BMPR2: variants seen among roughly 807,000 people sequenced by gnomAD.
BMPR2 encodes bone morphogenetic protein receptor type 2.
A neutral mutation model predicts 100.8 loss-of-function variants in BMPR2; 29 were observed. The ratio of observed to expected loss-of-function variants is 0.29; its 90% CI spans 0.21 to 0.39. The LOEUF is 0.39. Among genes scored for constraint, BMPR2 ranks in the 10% least tolerant of loss-of-function variants. The probability of loss-of-function intolerance (pLI) is 1.00; values close to 1 mark genes in which losing one functional copy is unlikely to be tolerated. For synonymous variants in BMPR2, 382 were observed against 442.3 expected (o/e 0.86, Z 1.71); for missense variants, 1,011 against 1,274.5 (o/e 0.79, Z 3.15).
intron 3 of BMPR2, among the ~76,000 whole-genome samples, chr2:202,488,407 A>G (rs1020397795): frequency 6.6e-6 from 1 of 152,184 alleles, no homozygotes; most frequent in Non-Finnish European, 1.5e-5. Flanking sequence ...GGTGAGAACC[A>G]CCCTTAGACT....
At chr2:202,549,237 ATTAG>A (rs1688430127) in intron 10 of BMPR2, among the ~76,000 whole-genome samples, 1 of 151,994 alleles carries the variant, frequency 6.6e-6, no homozygotes, top group Non-Finnish European at 1.5e-5. Flanking sequence ...TAATATTATT[ATTAG>A]TTATAATTAT....
chr2:202,515,032 G>T (rs1687688860), intron 5 of BMPR2, 53 bp downstream of exon 5: 3 of 1,449,392 alleles, frequency 2.1e-6, no homozygotes, highest in Non-Finnish European at 1.9e-6. Flanking sequence ...TACTAGACCT[G>T]GAACAGTGAC....
intron 1 of BMPR2, among the ~76,000 whole-genome samples, chr2:202,420,867 C>T (rs1329728803): frequency 6.6e-6 from 1 of 151,696 alleles, no homozygotes; most frequent in Non-Finnish European, 1.5e-5. Context: ...GTTTTTAAGG[C>T]AATATAATGC....
In BMPR2 at chr2:202,556,346, C is replaced by T; in HGVS notation, c.2681C>T (p.Pro894Leu). The change falls in exon 12 of 13, where the codon CCA becomes CTA. Residue 894 changes from proline to leucine, a missense_variant. Physicochemically the swap from Pro to Leu is moderately conservative, Grantham distance 98. This residue lies in a region of BMPR2 where 508 missense variants were observed against 552.0 expected (regional missense o/e 0.92). Transcript: ENST00000374580. Reference sequence around the variant, plus strand: ...CGTCTTGTGGACAGGAGGGAACGGCCACTAGAAGGTGGCCGAACTAATTCC... The same window carrying T: ...CGTCTTGTGGACAGGAGGGAACGGCTACTAGAAGGTGGCCGAACTAATTCC... Reference protein sequence around the residue: ...LDRLVDRRERPLEGGRTNSNN... With the variant: ...LDRLVDRRERLLEGGRTNSNN... 3.7e-6 allele frequency: 6 copies of T among 1,614,156 alleles called. No individual in the cohort carries two copies. Among genetic ancestry groups the T allele is most frequent in the Non-Finnish European group, 5.1e-6 (6 of 1,180,022 alleles).
At chr2:202,451,727 A>G (rs1691989652) in intron 1 of BMPR2, among the ~76,000 whole-genome samples, 1 of 151,956 alleles carries the variant, frequency 6.6e-6, no homozygotes, top group African/African-American at 2.4e-5. Context: ...CTACAATTTG[A>G]TGAGTTTTTG....
chr2:202,395,280 T>C (rs1421537702), intron 1 of BMPR2, among the ~76,000 whole-genome samples: 1 of 152,206 alleles, frequency 6.6e-6, no homozygotes, highest in Non-Finnish European at 1.5e-5. Context: ...ATTCTGTGAA[T>C]TTTTCTCTCT....
chr2:202,507,824 T>A (rs1245448022), intron 3 of BMPR2, among the ~76,000 whole-genome samples: 1 of 151,532 alleles, frequency 6.6e-6, no homozygotes, highest in Non-Finnish European at 1.5e-5. Flanking sequence ...CTCAGCCTCA[T>A]GAGTAGCTGG....
chr2:202,464,615 T>C (rs1236428433), intron 1 of BMPR2, among the ~76,000 whole-genome samples, 194 bp from the exon 2 acceptor site: 1 of 152,204 alleles, frequency 6.6e-6, no homozygotes, highest in African/African-American at 2.4e-5. Flanking sequence ...AAAATTTCCT[T>C]CTTGTTTGGA....
chr2:202,522,486 GAC>G (rs1336741532), intron 7 of BMPR2, among the ~76,000 whole-genome samples: 1 of 150,792 alleles, frequency 6.6e-6, no homozygotes, highest in African/African-American at 2.4e-5. Flanking sequence ...CAGCCTGGGT[GAC>G]AGAGCGAGAC....
intron 1 of BMPR2, among the ~76,000 whole-genome samples, chr2:202,434,294 A>G (rs917980368): frequency 1.3e-5 from 2 of 150,704 alleles, no homozygotes; most frequent in Admixed American, 6.6e-5. Flanking sequence ...AATTAAAGCA[A>G]TGGCTACCAA....
At chr2:202,414,531 C>T (rs1021068454) in intron 1 of BMPR2, among the ~76,000 whole-genome samples, 1 of 152,162 alleles carries the variant, frequency 6.6e-6, no homozygotes, top group Non-Finnish European at 1.5e-5. Flanking sequence ...AAAGCTAGGC[C>T]TTTTGCTCCA....
chr2:202,456,061 CTCAAAAAAAAAAAAAAA>C (rs2105951666), intron 1 of BMPR2, among the ~76,000 whole-genome samples: 1 of 49,614 alleles, frequency 2.0e-5, no homozygotes, highest in Admixed American at 3.7e-4. Context: ...TGAGACCCGT[CTCAAAAAAAAAAAAAAA>C]AAAAAAAAAA....
At position 202,481,166 on chromosome 2, in the gene BMPR2, C is replaced by T. The variant is rs1692652748; in HGVS notation, c.418+13477C>T. Among the ~76,000 whole-genome samples the T allele has an allele frequency of 3.0e-5, 4 of 135,426 alleles. No individual in the cohort carries two copies. In the East Asian group the frequency reaches 7.8e-4, roughly 26 times the overall value. The allele number at this position is 135,426 out of a possible 152,430, so 88.8% of individuals were successfully genotyped here. ...TTGTTCTTCTTTTTCTTTCTCTTCT[C>T]TTTTCTCTTCTCTTCTCTTCTCTTC... On this transcript the variant is annotated intron_variant, in intron 3 of 12. Transcript: ENST00000374580.
At chr2:202,536,915 T>C (rs1157950380) in intron 9 of BMPR2, among the ~76,000 whole-genome samples, 1 of 151,862 alleles carries the variant, frequency 6.6e-6, no homozygotes, top group Non-Finnish European at 1.5e-5. Flanking sequence ...GTTTTGTTTT[T>C]AAGAGACAGG....
intron 1 of BMPR2, among the ~76,000 whole-genome samples, chr2:202,462,699 T>TTTG (rs766953765): frequency 5.9e-5 from 9 of 151,834 alleles, no homozygotes; most frequent in East Asian, 5.8e-4. Flanking sequence ...GGTTTTGTTT[T>TTTG]TTGTTGTTGT....
At chr2:202,554,108 T>C (rs1222042452) in intron 11 of BMPR2, among the ~76,000 whole-genome samples, 1 of 152,226 alleles carries the variant, frequency 6.6e-6, no homozygotes, top group Non-Finnish European at 1.5e-5. Context: ...TTATACCTTG[T>C]ATATCAGCAA....
chr2:202,559,887 G>C lies in BMPR2; in HGVS notation c.3058G>C (p.Ala1020Pro). The change falls in exon 13 of 13, where the codon GCA (alanine) becomes CCA (proline). Residue 1020 changes from alanine (A) to proline (P), a missense_variant. Ala to Pro is a conservative substitution (Grantham distance 27, BLOSUM62 -1). This residue lies in a region of BMPR2 where 58 missense variants were observed against 72.3 expected (regional missense o/e 0.80). Transcript: ENST00000374580. Reference sequence around the variant, plus strand: ...CAAATCCAGCACTGCTGTTTACCTTGCAGAAGGAGGCACTGCTACAACCAT... The same window carrying C: ...CAAATCCAGCACTGCTGTTTACCTTCCAGAAGGAGGCACTGCTACAACCAT... ...HSKSSTAVYLAEGGTATTMVS... is the reference protein window; with the variant it reads ...HSKSSTAVYLPEGGTATTMVS... The C allele has an allele frequency of 1.2e-6, 2 of 1,614,112 alleles. No individual in the cohort carries two copies. The highest frequency in any genetic ancestry group is 1.7e-6 in the Non-Finnish European group (2 of 1,180,024).
chr2:202,495,186 A>G lies in BMPR2; in HGVS notation c.419-18533A>G, dbSNP rs960740677. ...ATCACAAGGACAGAGGGATTTCTGT[A>G]TCCCAGGGTTTCCTGCCTTGGTGTA... On this transcript the variant is annotated intron_variant, in intron 3 of 12. Coordinates refer to ENST00000374580, the MANE Select transcript of BMPR2 (RefSeq NM_001204.7). This position sits in a 1 kb window ranked among gnomAD's most constrained non-coding sequence, Gnocchi z 4.5. Among the ~76,000 whole-genome samples, 1 of 152,204 alleles carries G rather than the reference A, an allele frequency of 6.6e-6. No homozygotes were observed. The highest frequency in any genetic ancestry group is 2.4e-5 in the African/African-American group (1 of 41,450).
intron 1 of BMPR2, among the ~76,000 whole-genome samples, chr2:202,428,441 C>G (rs567733449): frequency 3.9e-5 from 6 of 152,072 alleles, no homozygotes; most frequent in Admixed American, 3.9e-4. Context: ...CTCCATCTGC[C>G]AGGCTGGAGC....
Sources: gnomAD v4.1 joint callset for allele counts (sites outside exome capture counted in the v4.1 genomes callset) on GRCh38, gnomAD v4.1.1 for gene constraint, gnomAD v4.1.1 regional missense constraint, Gnocchi (gnomAD v3.1) non-coding constraint, MANE v1.5 for transcripts, NCBI Gene and HGNC (gene_info 2026-07-23, HGNC 2026-07-21) for gene names.